Variants in PRR12 observed in about 807,000 individuals in gnomAD.
The protein encoded by PRR12 is proline rich 12, also known as proline-rich protein 12.
PRR12 carries 12 observed loss-of-function variants against 138.0 expected under a neutral mutation model. The observed-to-expected ratio is 0.09, with a 90% CI of 0.06 to 0.14. The LOEUF (loss-of-function observed/expected upper bound fraction) is 0.14, where lower values mean the gene tolerates loss of function less well. Ranked by LOEUF, PRR12 falls within the 10% of genes least tolerant of loss-of-function variation. The pLI, the probability that PRR12 is intolerant of heterozygous loss-of-function variation, is 1.00. For missense variants in PRR12, 2,692 were observed against 2,861.3 expected, an observed-to-expected ratio of 0.94 and a Z score of 1.35; for synonymous variants, 1,567 against 1,291.7, an observed-to-expected ratio of 1.21 and a Z score of -4.57.
Position 49,616,904 on chromosome 19 carries a change from G to A in PRR12, c.5497+685G>A, listed in dbSNP as rs866370041. Reference sequence around the variant, plus strand: ...AACACTTTGGGAGGCCAAGGTGGGCGGATCAGCTGAGGTCAGGAGTTCAAG... The same window carrying A: ...AACACTTTGGGAGGCCAAGGTGGGCAGATCAGCTGAGGTCAGGAGTTCAAG... On this transcript the variant is annotated intron_variant, in intron 9 of 13. Coordinates refer to ENST00000418929, the MANE Select transcript of PRR12 (RefSeq NM_020719.3). The surrounding 1 kb of genome is among the most constrained non-coding windows in gnomAD (Gnocchi z 4.2). Among the ~76,000 whole-genome samples the A allele has an allele frequency of 6.6e-6, 1 of 152,094 alleles. No individual in the cohort carries two copies. Among genetic ancestry groups the A allele is most frequent in the Non-Finnish European group, 1.5e-5 (1 of 68,010 alleles).
intron 6 of PRR12, among the ~76,000 whole-genome samples, chr19:49,605,678 C>T (rs892065145): frequency 6.6e-6 from 1 of 152,236 alleles, no homozygotes; most frequent in African/African-American, 2.4e-5. Context: ...TTTGACCATC[C>T]CCATTTTACA....
intron 6 of PRR12, among the ~76,000 whole-genome samples, chr19:49,606,312 C>G (rs1240151895): frequency 7.1e-6 from 1 of 139,888 alleles, no homozygotes; most frequent in Non-Finnish European, 1.5e-5. Flanking sequence ...ACTTTTTTTT[C>G]TTCTTTTTTT....
chr19:49,612,488 G>A (rs142645275), intron 6 of PRR12, among the ~76,000 whole-genome samples: 38 of 152,168 alleles, frequency 2.5e-4, no homozygotes, highest in Admixed American at 2.4e-3. Flanking sequence ...GGGATGCTGG[G>A]AGGAAAAGTG....
chr19:49,616,507 G>A lies in PRR12; in HGVS notation c.5497+288G>A, dbSNP rs62128119. On this transcript the variant is annotated intron_variant, in intron 9 of 13. Transcript: ENST00000418929. The surrounding 1 kb of genome is among the most constrained non-coding windows in gnomAD (Gnocchi z 4.2). ...TCCAAGAGAGGGCAGCACAGTCTGT[G>A]TTGGGTGCCCAGCAGAGTTGCAACT... Among the ~76,000 whole-genome samples the A allele has an allele frequency of 3.3e-3, 503 of 152,280 alleles. 3 individuals are homozygous for A. Among genetic ancestry groups the A allele is most frequent in the Middle Eastern group, 0.031 (9 of 294 alleles).
At position 49,597,881 on chromosome 19, in the gene PRR12, G is replaced by C; in HGVS notation, c.3546G>C (p.Pro1182=). The change falls in exon 4 of 14, where the codon CCG becomes CCC. Residue 1182 remains proline, a synonymous_variant. Coordinates refer to ENST00000418929, the MANE Select transcript of PRR12 (RefSeq NM_020719.3). This position sits in a 1 kb window ranked among gnomAD's most constrained non-coding sequence, Gnocchi z 6.3. The part of the protein sequence containing the change: ...GRPRIRPLEV[P]TTAGPASAST... Reference sequence around the variant, plus strand: ...CCCGGATCCGCCCCCTGGAGGTCCCGACCACTGCGGGGCCCGCCTCGGCCT... The same window carrying C: ...CCCGGATCCGCCCCCTGGAGGTCCCCACCACTGCGGGGCCCGCCTCGGCCT... 6.9e-7 allele frequency: 1 copy of C among 1,443,596 alleles called. No individual in the cohort carries two copies. The highest frequency in any genetic ancestry group is 9.1e-7 in the Non-Finnish European group (1 of 1,100,568). The allele number at this position is 1,443,596 out of a possible 1,614,324, so 89.4% of individuals were successfully genotyped here.
At chr19:49,622,141 A>T (rs1465593273) in intron 11 of PRR12, among the ~76,000 whole-genome samples, 11 of 152,168 alleles carry the variant, frequency 7.2e-5, no homozygotes, top group Admixed American at 5.2e-4. Flanking sequence ...AGACTTCTGG[A>T]ATCGAATGTT....
At chr19:49,623,642 A>AG (rs1231962303) in intron 11 of PRR12, among the ~76,000 whole-genome samples, 2 of 152,026 alleles carry the variant, frequency 1.3e-5, no homozygotes, top group Non-Finnish European at 2.9e-5. Context: ...AAAAAAAAAA[A>AG]AAAAAGAATT....
At position 49,625,894 on chromosome 19, in the gene PRR12, G is replaced by A. The variant is rs993901636; in HGVS notation, c.*287G>A. ...AACGGTTTCCCTCTCCCCTTGCCCC[G>A]ACCCCCCCTCCACAGCCACAGCCCC... On this transcript the variant is annotated 3_prime_UTR_variant, in exon 14 of 14. Transcript: ENST00000418929. The surrounding 1 kb of genome is among the most constrained non-coding windows in gnomAD (Gnocchi z 5.5). 2.7e-5 allele frequency: 6 copies of A among 218,558 alleles called. No homozygotes were observed. Among genetic ancestry groups the A allele is most frequent in the African/African-American group, 1.3e-4 (5 of 39,866 alleles). 13.5% of individuals were successfully genotyped at this position (218,558 alleles called of 1,614,324 possible).
Position 49,601,873 on chromosome 19 carries a change from A to T in PRR12, c.4728A>T (p.Glu1576Asp). ...GESGGEGIFR[E>D]RDEFVIRAED... ...GTGGCGGAGAGGGCATCTTCCGGGA[A>T]CGGGACGAGTTCGTCATCCGTGCTG... The change falls in exon 6 of 14, where the codon GAA becomes GAT. Residue 1576 changes from glutamate (E) to aspartate (D), a missense_variant. Physicochemically the swap from Glu to Asp is conservative, Grantham distance 45. Around this residue, in one of 11 missense-constraint regions of PRR12, gnomAD observed 92 missense variants for 174.1 expected, o/e 0.53. Coordinates refer to ENST00000418929, the MANE Select transcript of PRR12 (RefSeq NM_020719.3). 4 of 1,612,510 alleles carry T rather than the reference A, an allele frequency of 2.5e-6. No homozygotes were observed. The highest frequency in any genetic ancestry group is 3.4e-6 in the Non-Finnish European group (4 of 1,179,858).
chr19:49,622,891 C>CA (rs1250549730), intron 11 of PRR12, among the ~76,000 whole-genome samples: 25,696 of 70,404 alleles, frequency 0.36, 4,369 homozygotes, highest in African/African-American at 0.53. Context: ...GACTCTGTCT[C>CA]AAAAAAAAAA....
intron 9 of PRR12, among the ~76,000 whole-genome samples, chr19:49,618,302 G>C (rs2080903261): frequency 6.6e-6 from 1 of 151,838 alleles, no homozygotes; most frequent in African/African-American, 2.4e-5. Flanking sequence ...TCTGTGTCCT[G>C]GCTTCCCCAT....
rs1310887821 is a variant in PRR12 at position 49,626,066 on chromosome 19, G to C, written c.*459G>C. 1 of 152,898 alleles carries C rather than the reference G, an allele frequency of 6.5e-6. No individual in the cohort carries two copies. The highest frequency in any genetic ancestry group is 1.5e-5 in the Non-Finnish European group (1 of 68,624). 9.5% of individuals were successfully genotyped at this position (152,898 alleles called of 1,614,324 possible). A position where few individuals can be genotyped will look rare whatever the true frequency, so the allele number is the denominator to read the frequency against. ...TGCTAAAGGCCATTCCCTCCGCAGG[G>C]CATTTGGCGTCGGGTGGGAGGGGAA... On this transcript the variant is annotated 3_prime_UTR_variant, in exon 14 of 14. Transcript: ENST00000418929.
chr19:49,617,100 C>T (rs1222970491), intron 9 of PRR12, among the ~76,000 whole-genome samples: 8 of 148,904 alleles, frequency 5.4e-5, no homozygotes. Context: ...CACTGCACTC[C>T]AGCCTAGATG....
At position 49,595,742 on chromosome 19, in the gene PRR12, G is replaced by C; in HGVS notation, c.1407G>C (p.Leu469Phe). 6.3e-7 allele frequency: 1 copy of C among 1,597,858 alleles called. No individual in the cohort carries two copies. The highest frequency in any genetic ancestry group is 8.5e-7 in the Non-Finnish European group (1 of 1,172,556). The change falls in exon 4 of 14, where the codon TTG becomes TTC. Residue 469 changes from leucine (L) to phenylalanine (F), a missense_variant. Physicochemically the swap from Leu to Phe is conservative, Grantham distance 22 (BLOSUM62 0). Coordinates refer to ENST00000418929, the MANE Select transcript of PRR12 (RefSeq NM_020719.3). ...TTGGAGGGGGGCAGGCACAGGACTT[G>C]AGCAAAGCCCCCAGCTACTCAGGGG... Reference protein sequence around the residue: ...QGFGGGQAQDLSKAPSYSGGP... With the variant: ...QGFGGGQAQDFSKAPSYSGGP...
chr19:49,605,947 G>A (rs1207531957), intron 6 of PRR12, among the ~76,000 whole-genome samples: 1 of 152,230 alleles, frequency 6.6e-6, no homozygotes, highest in Non-Finnish European at 1.5e-5. Flanking sequence ...ATAGTTAAGA[G>A]CCCAGCTTTG....
chr19:49,596,316 T>TACAG lies in PRR12; in HGVS notation c.1981_1982insACAG (p.Leu661TyrfsTer13). Reference sequence around the variant, plus strand: ...TCCTCGGACCTCAGGGGCGGACGGCTTGGTGGGCGAGGACGGGGCAGCAGA... The same window carrying TACAG: ...TCCTCGGACCTCAGGGGCGGACGGCTACAGTGGTGGGCGAGGACGGGGCAGCAGA... On this transcript the variant is annotated frameshift_variant, in exon 4 of 14. Transcript: ENST00000418929. LOFTEE classifies it high-confidence loss of function. This position sits in a 1 kb window ranked among gnomAD's most constrained non-coding sequence, Gnocchi z 5.6. The TACAG allele has an allele frequency of 6.2e-7, 1 of 1,610,938 alleles. No individual in the cohort carries two copies.
intron 6 of PRR12, among the ~76,000 whole-genome samples, chr19:49,602,253 G>C (rs1201147414): frequency 6.6e-6 from 1 of 152,138 alleles, no homozygotes; most frequent in East Asian, 1.9e-4. Context: ...GACCAGTACT[G>C]TACAAGCAGA....
chr19:49,601,660 TCCACCAGCCATGCCCTCGCCTCCA>T lies in PRR12; in HGVS notation c.4522_4545del (p.Ala1508_Pro1515del). 2 of 1,533,976 alleles carry T rather than the reference TCCACCAGCCATGCCCTCGCCTCCA, an allele frequency of 1.3e-6. No individual in the cohort carries two copies. The highest frequency in any genetic ancestry group is 1.7e-6 in the Non-Finnish European group (2 of 1,144,570). On this transcript the variant is annotated inframe_deletion, in exon 6 of 14. Coordinates refer to ENST00000418929, the MANE Select transcript of PRR12 (RefSeq NM_020719.3). ...CGCCACCGCCGCTGCCGCCGCCACC[TCCACCAGCCATGCCCTCGCCTCCA>T]CCACCACCCCCACCAGCCGCTGCCC...
Position 49,599,667 on chromosome 19 carries a change from C to T in PRR12, c.4074C>T (p.Gly1358=). Residue 1358 remains glycine, a synonymous_variant, in exon 5 of 14, where the codon GGC becomes GGT. Transcript: ENST00000418929. This position sits in a 1 kb window ranked among gnomAD's most constrained non-coding sequence, Gnocchi z 5.0. Reference sequence around the variant, plus strand: ...CAGAGAGTGAGGGTCTGGGGCTTGGCTGCCCTTCACCCTGCAAGCGGCTTG... The same window carrying T: ...CAGAGAGTGAGGGTCTGGGGCTTGGTTGCCCTTCACCCTGCAAGCGGCTTG... ...EAAESEGLGL[G]CPSPCKRLDE... 6.2e-7 allele frequency: 1 copy of T among 1,612,654 alleles called. No individual in the cohort carries two copies. Among genetic ancestry groups the T allele is most frequent in the South Asian group, 1.1e-5 (1 of 91,078 alleles).
Sources: gnomAD v4.1 joint callset for allele counts (sites outside exome capture counted in the v4.1 genomes callset) on GRCh38, gnomAD v4.1.1 for gene constraint, gnomAD v4.1.1 regional missense constraint, Gnocchi (gnomAD v3.1) non-coding constraint, MANE v1.5 for transcripts, NCBI Gene and HGNC (gene_info 2026-07-23, HGNC 2026-07-21) for gene names.